Variants in CARS2 observed in about 807,000 individuals in gnomAD.
The protein encoded by CARS2 is probable cysteine--tRNA ligase, mitochondrial.
Under a neutral mutation model 68.8 loss-of-function variants are expected in CARS2, and 52 were observed. The ratio of observed to expected loss-of-function variants is 0.76; its 90% CI spans 0.61 to 0.95. The LOEUF (loss-of-function observed/expected upper bound fraction) is 0.95. CARS2 is among the 40% of genes least tolerant of loss of function. CARS2 has a pLI of 0.00. For synonymous variants in CARS2, 314 were observed against 303.6 expected, an observed-to-expected ratio of 1.03 and a Z score of -0.36; for missense variants, 780 against 754.2, an observed-to-expected ratio of 1.03 and a Z score of -0.40.
At chr13:110,699,862 C>T (rs989296357) in intron 3 of CARS2, among the ~76,000 whole-genome samples, 1 of 152,252 alleles carries the variant, frequency 6.6e-6, no homozygotes, top group Admixed American at 6.5e-5. Context: ...CGAGGAGGCG[C>T]CTCCAATGTC....
chr13:110,690,454 A>T (rs1330093612), intron 3 of CARS2, among the ~76,000 whole-genome samples: 2 of 151,932 alleles, frequency 1.3e-5, no homozygotes, highest in Non-Finnish European at 2.9e-5. Flanking sequence ...CCCATTCCAC[A>T]CTCTGCTCTG....
At chr13:110,649,567 T>TAA (rs1176767901) in intron 10 of CARS2, among the ~76,000 whole-genome samples, 3 of 152,192 alleles carry the variant, frequency 2.0e-5, no homozygotes, top group Non-Finnish European at 1.5e-5. Flanking sequence ...GGAATGAGAA[T>TAA]AAACTATGTT....
rs2139711621 is a variant in CARS2 at position 110,653,936 on chromosome 13, G to C, written c.988-2836C>G. Among the ~76,000 whole-genome samples, 1 of 152,348 alleles carries C rather than the reference G, an allele frequency of 6.6e-6. No individual in the cohort carries two copies. The highest frequency in any genetic ancestry group is 1.5e-5 in the Non-Finnish European group (1 of 68,036). On this transcript the variant is annotated intron_variant, in intron 9 of 14. Coordinates refer to ENST00000257347, the MANE Select transcript of CARS2 (RefSeq NM_024537.4). This position sits in a 1 kb window ranked among gnomAD's most constrained non-coding sequence, Gnocchi z 5.6. ...CTACTCCGGTTCCACCGTGCAACCTGCCACGGCTCCCTGAGAGGCAAAATG... is the reference window on the plus strand; with the variant it reads ...CTACTCCGGTTCCACCGTGCAACCTCCCACGGCTCCCTGAGAGGCAAAATG...
intron 9 of CARS2, among the ~76,000 whole-genome samples, chr13:110,651,485 C>A (rs556526726): frequency 1.1e-4 from 17 of 152,350 alleles, no homozygotes; most frequent in African/African-American, 3.8e-4. Context: ...GCGGGAGGCA[C>A]ACCAGCTCTG....
At chr13:110,702,775 C>T (rs566152924) in intron 2 of CARS2, among the ~76,000 whole-genome samples, 32 of 152,300 alleles carry the variant, frequency 2.1e-4, no homozygotes, top group Non-Finnish European at 3.4e-4. Context: ...CGCACACACA[C>T]GCCTTGCAAG....
Position 110,642,353 on chromosome 13 carries a change from G to A in CARS2, c.1585C>T (p.Leu529=). 1 of 1,553,068 alleles carries A rather than the reference G, an allele frequency of 6.4e-7. No homozygotes were observed. The highest frequency in any genetic ancestry group is 8.7e-7 in the Non-Finnish European group (1 of 1,148,000). ...CCGTGGGCAGTCAGGCCCCGGCGCA[G>A]GGTGTCGCATGCTTCCAGCAGGGGC... is the stretch of plus-strand genomic sequence containing the variant. ...RQPLLEACDT[L]RRGLTAHGIN... Residue 529 remains leucine (L), a synonymous_variant, in exon 14 of 15, where the codon CTG becomes TTG. Coordinates refer to ENST00000257347, the MANE Select transcript of CARS2 (RefSeq NM_024537.4).
upstream of CARS2, chr13:110,706,294 G>A: frequency 2.9e-6 from 1 of 341,516 alleles, no homozygotes; most frequent in Non-Finnish European, 5.1e-6. Context: ...AGGGCCCGAA[G>A]AGGTTGGGGC....
At chr13:110,698,064 C>A in intron 3 of CARS2, 1 of 432,016 alleles carries the variant, frequency 2.3e-6, no homozygotes, top group Non-Finnish European at 4.6e-6. Context: ...CTCTGACTTC[C>A]AATCCAAATC....
rs1021666752 is a variant in CARS2, at chr13:110,665,668, G to A, written c.919+1672C>T. On this transcript the variant is annotated intron_variant, in intron 8 of 14. Coordinates refer to ENST00000257347, the MANE Select transcript of CARS2 (RefSeq NM_024537.4). The surrounding 1 kb of genome is among the most constrained non-coding windows in gnomAD (Gnocchi z 4.3). ...ACAGGATAAACCTGCAGACAGAAAC[G>A]TGCCTGCGGAGGGAGCAACTCCAGC... The A allele has an allele frequency of 1.7e-5, 17 of 985,226 alleles. No individual in the cohort carries two copies. The highest frequency in any genetic ancestry group is 3.5e-5 in the African/African-American group (2 of 57,212). The allele number at this position is 985,226 out of a possible 1,614,324, so 61.0% of individuals were successfully genotyped here.
intron 3 of CARS2, among the ~76,000 whole-genome samples, chr13:110,688,437 G>A (rs920540132): frequency 9.9e-5 from 15 of 152,080 alleles, no homozygotes; most frequent in African/African-American, 1.4e-4. Flanking sequence ...GCAACAGGAC[G>A]AGACACCATC....
intron 13 of CARS2, chr13:110,642,952 G>A (rs1172162666): frequency 7.9e-6 from 3 of 378,686 alleles, no homozygotes; most frequent in Non-Finnish European, 1.0e-5. Flanking sequence ...AGCCTCAGGT[G>A]CTGAGGACGG....
rs1331092885 is a variant in CARS2, at chr13:110,668,150, G to T, written c.786-677C>A. ...CGCAGAGGTCCTTCCTGCTCCCACT[G>T]GTCTGGTTCCCTGTGCTCGGGGAAG... On this transcript the variant is annotated intron_variant, in intron 7 of 14. Coordinates refer to ENST00000257347, the MANE Select transcript of CARS2 (RefSeq NM_024537.4). The surrounding 1 kb of genome is among the most constrained non-coding windows in gnomAD (Gnocchi z 4.1). Among the ~76,000 whole-genome samples, 4 of 152,198 alleles carry T rather than the reference G, an allele frequency of 2.6e-5. No individual in the cohort carries two copies. The highest frequency in any genetic ancestry group is 7.2e-5 in the African/African-American group (3 of 41,454).
intron 2 of CARS2, 128 bp from the exon 3 acceptor site, chr13:110,701,683 G>A (rs943196929): frequency 3.3e-6 from 2 of 605,650 alleles, no homozygotes; most frequent in Admixed American, 2.7e-5. Context: ...CAGGTCAGCG[G>A]AGCAGGTACA....
chr13:110,706,929 T>A (rs1002867465), upstream of CARS2, among the ~76,000 whole-genome samples: 7 of 145,716 alleles, frequency 4.8e-5, no homozygotes, highest in African/African-American at 1.8e-4. Context: ...TGCACCCCAA[T>A]ACACAGTATG....
chr13:110,697,741 T>C (rs1372146316), intron 3 of CARS2, among the ~76,000 whole-genome samples: 2 of 152,220 alleles, frequency 1.3e-5, no homozygotes, highest in African/African-American at 2.4e-5. Flanking sequence ...CCACAGGAAA[T>C]ATATTTATAA....
upstream of CARS2, among the ~76,000 whole-genome samples, chr13:110,711,468 C>G (rs1011138930): frequency 1.3e-5 from 2 of 152,234 alleles, no homozygotes; most frequent in African/African-American, 4.8e-5. Context: ...CCCGCCTCGG[C>G]CTCCCAAAGT....
Position 110,706,096 on chromosome 13 carries a change from C to A in CARS2, c.-3G>T. On this transcript the variant is annotated 5_prime_UTR_variant, in exon 1 of 15. Coordinates refer to ENST00000257347, the MANE Select transcript of CARS2 (RefSeq NM_024537.4). ...GGGCCGCGCGTAGTCCTCAACATGT[C>A]AGCGGCCAGCGCCTACGACTGGGCG... 1 of 1,311,186 alleles carries A rather than the reference C, an allele frequency of 7.6e-7. No homozygotes were observed. Among genetic ancestry groups the A allele is most frequent in the Non-Finnish European group, 9.7e-7 (1 of 1,034,234 alleles). 81.2% of individuals were successfully genotyped at this position (1,311,186 alleles called of 1,614,324 possible). A position where few individuals can be genotyped will look rare whatever the true frequency, so the allele number is the denominator to read the frequency against.
upstream of CARS2, chr13:110,707,683 T>A (rs1175662491): frequency 6.6e-6 from 1 of 151,776 alleles, no homozygotes; most frequent in Non-Finnish European, 1.5e-5. Flanking sequence ...TGTCTTGCAA[T>A]ACGATGTCTC....
At chr13:110,691,783 G>A (rs1052264363) in intron 3 of CARS2, among the ~76,000 whole-genome samples, 1 of 151,796 alleles carries the variant, frequency 6.6e-6, no homozygotes, top group African/African-American at 2.4e-5. Context: ...AATTTCTGCA[G>A]GCTTTAAAGC....
Sources: allele counts gnomAD v4.1 joint callset (sites outside exome capture counted in the v4.1 genomes callset), GRCh38; gene constraint gnomAD v4.1.1; non-coding constraint Gnocchi (gnomAD v3.1); transcripts MANE v1.5; gene names NCBI Gene and HGNC (gene_info 2026-07-23, HGNC 2026-07-21).